Variants in ING3 observed in about 807,000 individuals in gnomAD.
ING3 encodes the protein inhibitor of growth family member 3.
A neutral mutation model predicts 64.8 loss-of-function variants in ING3; 6 were observed. The observed-to-expected ratio is 0.09, with a 90% CI of 0.05 to 0.18. ING3 has a LOEUF of 0.18. Among genes scored for constraint, ING3 ranks in the 10% least tolerant of loss-of-function variants. The pLI is 1.00. For missense variants in ING3, 310 were observed against 489.7 expected, an observed-to-expected ratio of 0.63 and a Z score of 3.46; for synonymous variants, 170 against 173.7, an observed-to-expected ratio of 0.98 and a Z score of 0.17.
At chr7:120,956,371 C>A (rs1584988227) in intron 4 of ING3, 12 of 1,337,916 alleles carry the variant, frequency 9.0e-6, no homozygotes, top group Non-Finnish European at 1.2e-5. Flanking sequence ...AGATTTCATA[C>A]TTATGTTGTC....
intron 5 of ING3, 131 bp downstream of exon 5, chr7:120,964,969 G>T: frequency 3.1e-6 from 2 of 651,494 alleles, no homozygotes; most frequent in East Asian, 2.7e-5. Context: ...AGATAGCTTG[G>T]ACCCTAACAG....
chr7:120,970,445 A>G (rs975577195), intron 9 of ING3, among the ~76,000 whole-genome samples: 2 of 151,422 alleles, frequency 1.3e-5, no homozygotes, highest in Non-Finnish European at 2.9e-5. Flanking sequence ...AGTCTGGGCA[A>G]CAGAGCGAGA....
Position 120,950,786 on chromosome 7 carries a change from A to C in ING3, c.-111A>C. 2.3e-5 allele frequency: 9 copies of C among 390,728 alleles called. No homozygotes were observed. The highest frequency in any genetic ancestry group is 3.6e-5 in the Non-Finnish European group (8 of 220,518). 24.2% of individuals were successfully genotyped at this position (390,728 alleles called of 1,614,324 possible). A position where few individuals can be genotyped will look rare whatever the true frequency, so the allele number is the denominator to read the frequency against. Reference sequence around the variant, plus strand: ...TCTTTTTTTTTTTTTGCCGGAGTCGAGCGGGTGCTGCTAGCGGAGGCGCCA... The same window carrying C: ...TCTTTTTTTTTTTTTGCCGGAGTCGCGCGGGTGCTGCTAGCGGAGGCGCCA... On this transcript the variant is annotated 5_prime_UTR_variant, in exon 1 of 12. Transcript: ENST00000315870.
At chr7:120,961,433 C>T (rs1043372611) in intron 4 of ING3, among the ~76,000 whole-genome samples, 1 of 152,076 alleles carries the variant, frequency 6.6e-6, no homozygotes, top group Admixed American at 6.5e-5. Flanking sequence ...ATAGGGCAAG[C>T]TAGACATCTA....
intron 10 of ING3, 39 bp from the exon 11 acceptor site, chr7:120,973,166 A>G: frequency 3.4e-6 from 4 of 1,170,718 alleles, no homozygotes; most frequent in East Asian, 2.4e-5. Flanking sequence ...GGTGTTTGTT[A>G]CATAGTCATA....
intron 4 of ING3, among the ~76,000 whole-genome samples, chr7:120,958,697 C>A (rs907686642): frequency 6.6e-6 from 1 of 152,246 alleles, no homozygotes; most frequent in Admixed American, 6.5e-5. Context: ...CTTATGCCTT[C>A]TCTTTTTCAT....
chr7:120,955,907 T>G (rs1395401440), intron 4 of ING3: 1 of 568,602 alleles, frequency 1.8e-6, no homozygotes, highest in East Asian at 2.9e-5. Context: ...ATGTTTAACT[T>G]TATTTTACTA....
At chr7:120,956,874 CTTTGT>C (rs1795856490) in intron 4 of ING3, 2 of 878,498 alleles carry the variant, frequency 2.3e-6, no homozygotes, top group Non-Finnish European at 2.7e-6. Context: ...TGGTTCTATT[CTTTGT>C]TTTGTTTATT....
In ING3 at chr7:120,956,982, G is replaced by T. The variant is rs555576003; in HGVS notation, c.267+1358G>T. ...ATAAATATATGCTTTTTAAATATGT[G>T]TGTGTGTGTATTCATCTCTTATTTA... On this transcript the variant is annotated intron_variant, in intron 4 of 11. Coordinates refer to ENST00000315870, the MANE Select transcript of ING3 (RefSeq NM_019071.3). 10 of 380,446 alleles carry T rather than the reference G, an allele frequency of 2.6e-5. No homozygotes were observed. In the East Asian group the frequency reaches 1.6e-3, roughly 62 times the overall value. The allele number at this position is 380,446 out of a possible 1,614,324, so 23.6% of individuals were successfully genotyped here.
intron 7 of ING3, 63 bp downstream of exon 7, chr7:120,967,711 G>A (rs1165651888): frequency 4.0e-6 from 6 of 1,482,080 alleles, no homozygotes; most frequent in Non-Finnish European, 4.6e-6. Context: ...GGGAAATAAA[G>A]TGTTTCAGGA....
rs968457576 is a variant in ING3 at position 120,975,929 on chromosome 7, C to T, written c.*1085C>T. On this transcript the variant is annotated 3_prime_UTR_variant, in exon 12 of 12. Coordinates refer to ENST00000315870, the MANE Select transcript of ING3 (RefSeq NM_019071.3). ...AGAAGTGTAAGTATAGCAGTTAAAA[C>T]GAAAATAATGGTTATGGGTGTTTTG... 9.2e-5 allele frequency: 14 copies of T among 152,022 alleles called. No homozygotes were observed. The highest frequency in any genetic ancestry group is 2.7e-4 in the African/African-American group (11 of 41,404). 9.4% of individuals were successfully genotyped at this position (152,022 alleles called of 1,614,324 possible).
At chr7:120,971,322 G>A (rs1460406324) in intron 10 of ING3, among the ~76,000 whole-genome samples, 1 of 152,218 alleles carries the variant, frequency 6.6e-6, no homozygotes, top group Non-Finnish European at 1.5e-5. Context: ...GAGGGAGAAA[G>A]AGTGTGCTCT....
intron 1 of ING3, 72 bp from the exon 2 acceptor site, chr7:120,951,092 G>T (rs1795755683): frequency 6.4e-7 from 1 of 1,561,696 alleles, no homozygotes; most frequent in African/African-American, 1.4e-5. Flanking sequence ...CCCCCCTGAC[G>T]CACGCGCGCA....
At chr7:120,955,288 C>A (rs1435434720) in intron 3 of ING3, among the ~76,000 whole-genome samples, 1 of 152,066 alleles carries the variant, frequency 6.6e-6, no homozygotes, top group Admixed American at 6.5e-5. Context: ...ACTACCATGC[C>A]CGGCTAATTT....
At chr7:120,959,426 T>C (rs987374642) in intron 4 of ING3, among the ~76,000 whole-genome samples, 2 of 152,144 alleles carry the variant, frequency 1.3e-5, no homozygotes, top group Non-Finnish European at 2.9e-5. Context: ...TTTGAGTCTT[T>C]TAATCTTAGC....
At chr7:120,968,854 A>G (rs1306594400) in intron 8 of ING3, among the ~76,000 whole-genome samples, 157 bp from the exon 9 acceptor site, 1 of 151,990 alleles carries the variant, frequency 6.6e-6, no homozygotes, top group Non-Finnish European at 1.5e-5. Flanking sequence ...TCAAAAAAAA[A>G]AAAAAAAAAA....
At chr7:120,959,629 C>CTTTT (rs1795901765) in intron 4 of ING3, among the ~76,000 whole-genome samples, 1 of 118,680 alleles carries the variant, frequency 8.4e-6, no homozygotes, top group African/African-American at 3.3e-5. Context: ...CACTTCCTCA[C>CTTTT]ATTTTTTTTT....
rs1473081173 is a variant in ING3 at position 120,975,540 on chromosome 7, G to A, written c.*696G>A. 3 of 151,904 alleles carry A rather than the reference G, an allele frequency of 2.0e-5. No individual in the cohort carries two copies. The highest frequency in any genetic ancestry group is 7.3e-5 in the African/African-American group (3 of 41,356). 9.4% of individuals were successfully genotyped at this position (151,904 alleles called of 1,614,324 possible). A position where few individuals can be genotyped will look rare whatever the true frequency, so the allele number is the denominator to read the frequency against. On this transcript the variant is annotated 3_prime_UTR_variant, in exon 12 of 12. Transcript: ENST00000315870. ...TTCATGAGGGAGGGGGCGGGGGACT[G>A]AAGGGGAAAGGGCGTTAAAGTGATA...
intron 3 of ING3, among the ~76,000 whole-genome samples, chr7:120,954,556 T>C (rs1795816731): frequency 6.6e-6 from 1 of 151,738 alleles, no homozygotes; most frequent in African/African-American, 2.4e-5. Flanking sequence ...AAAAAAAAAA[T>C]CATAATCTAT....
Sources: allele counts gnomAD v4.1 joint callset (sites outside exome capture counted in the v4.1 genomes callset), GRCh38; gene constraint gnomAD v4.1.1; transcripts MANE v1.5; gene names NCBI Gene and HGNC (gene_info 2026-07-23, HGNC 2026-07-21).